The following PHACTR1 variants were observed in gnomAD, a reference collection of about 807,000 sequenced individuals.
PHACTR1 encodes the protein RPEL repeat containing 1.
In PHACTR1, 16 loss-of-function variants were observed where a neutral mutation model predicts 69.2. That is an observed-to-expected ratio of 0.23 (90% CI 0.16 to 0.35). PHACTR1 has a LOEUF of 0.35. Ranked by LOEUF, PHACTR1 falls within the 10% of genes least tolerant of loss-of-function variation. PHACTR1 has a pLI of 1.00. For missense variants in PHACTR1, 510 were observed against 734.7 expected (o/e 0.69, Z 3.54); for synonymous variants, 312 against 284.5 (o/e 1.10, Z -0.97).
intron 5 of PHACTR1, among the ~76,000 whole-genome samples, chr6:13,081,099 A>G (rs999662618): frequency 2.0e-5 from 3 of 152,194 alleles, no homozygotes; most frequent in Non-Finnish European, 2.9e-5. Context: ...TAAAAACCCT[A>G]AAAGTGTCAG....
At chr6:12,830,089 GAGGGAAA>G (rs1561923549) in intron 4 of PHACTR1, among the ~76,000 whole-genome samples, 17 of 121,696 alleles carry the variant, frequency 1.4e-4, no homozygotes, top group African/African-American at 5.4e-4. Flanking sequence ...AGGAAGGAAG[GAGGGAAA>G]GAAAGAAAGA....
At chr6:13,219,902 G>A (rs1768332324) in intron 8 of PHACTR1, among the ~76,000 whole-genome samples, 1 of 152,158 alleles carries the variant, frequency 6.6e-6, no homozygotes, top group African/African-American at 2.4e-5. Flanking sequence ...AAGCAACATG[G>A]TTCATGGAAA....
In PHACTR1 at chr6:12,885,367, T is replaced by C. The variant is rs185524792; in HGVS notation, c.250+135577T>C. Among the ~76,000 whole-genome samples the C allele has an allele frequency of 9.8e-5, 15 of 152,338 alleles. No homozygotes were observed. The East Asian group carries it at 2.9e-3, about 29-fold the overall frequency. Reference sequence around the variant, plus strand: ...ACTGATTAATTTATTAACGTGGGTTTTCCTGTAGGCAATTATCATTTGACC... The same window carrying C: ...ACTGATTAATTTATTAACGTGGGTTCTCCTGTAGGCAATTATCATTTGACC... On this transcript the variant is annotated intron_variant, in intron 4 of 14. Transcript: ENST00000332995.
intron 4 of PHACTR1, among the ~76,000 whole-genome samples, chr6:12,951,999 G>T (rs995188415): frequency 6.6e-6 from 1 of 152,120 alleles, no homozygotes; most frequent in Admixed American, 6.5e-5. Flanking sequence ...AACAATTGGT[G>T]CATTGCACTC....
At position 13,089,203 on chromosome 6, in the gene PHACTR1, CA is replaced by C. The variant is rs561682673; in HGVS notation, c.415+35675del. Among the ~76,000 whole-genome samples, 58 of 152,312 alleles carry C rather than the reference CA, an allele frequency of 3.8e-4. No individual in the cohort carries two copies. The South Asian group carries it at 0.012, about 31-fold the overall frequency. ...TCCTGCCCTGGGCCCATCCCTCCAC[CA>C]CAAGAAGCCCCTGGGGCACAGGTGG... On this transcript the variant is annotated intron_variant, in intron 5 of 14. Transcript: ENST00000332995.
At chr6:12,738,751 T>C (rs1764647803) in intron 3 of PHACTR1, among the ~76,000 whole-genome samples, 1 of 152,046 alleles carries the variant, frequency 6.6e-6, no homozygotes, top group Non-Finnish European at 1.5e-5. Flanking sequence ...TAGTCCCGGC[T>C]ACTCAAGTGG....
At chr6:12,772,349 A>C (rs1446303769) in intron 4 of PHACTR1, among the ~76,000 whole-genome samples, 4 of 152,180 alleles carry the variant, frequency 2.6e-5, no homozygotes, top group Non-Finnish European at 5.9e-5. Flanking sequence ...CCAATTCCAA[A>C]TGTAATTTCT....
At chr6:12,837,187 C>T (rs1778253290) in intron 4 of PHACTR1, among the ~76,000 whole-genome samples, 1 of 152,108 alleles carries the variant, frequency 6.6e-6, no homozygotes, top group Non-Finnish European at 1.5e-5. Context: ...TTTCCAGAAC[C>T]AATGCAGTAA....
At chr6:12,845,930 G>A (rs1332035398) in intron 4 of PHACTR1, among the ~76,000 whole-genome samples, 1 of 152,186 alleles carries the variant, frequency 6.6e-6, no homozygotes, top group Non-Finnish European at 1.5e-5. Context: ...TCATGCACCT[G>A]CTGAAAGTAT....
chr6:13,097,286 TTTCTTAAAAAAACATTA>T, intron 5 of PHACTR1, among the ~76,000 whole-genome samples: 1 of 152,242 alleles, frequency 6.6e-6, no homozygotes, highest in East Asian at 1.9e-4. Flanking sequence ...GGTGGATATA[TTTCTTAAAAAAACATTA>T]TTCTTGTTGA....
At chr6:13,087,153 T>A (rs1812454536) in intron 5 of PHACTR1, among the ~76,000 whole-genome samples, 2 of 147,648 alleles carry the variant, frequency 1.4e-5, no homozygotes, top group South Asian at 2.1e-4. Flanking sequence ...ACATATATAT[T>A]TTTATATATA....
chr6:13,229,633 A>G (rs944172565), intron 9 of PHACTR1, among the ~76,000 whole-genome samples: 3 of 151,886 alleles, frequency 2.0e-5, no homozygotes, highest in Non-Finnish European at 4.4e-5. Context: ...ATCCCCGCCC[A>G]CCTGCTGCCT....
intron 4 of PHACTR1, among the ~76,000 whole-genome samples, chr6:12,895,642 A>G (rs1784592282): frequency 6.6e-6 from 1 of 152,220 alleles, no homozygotes; most frequent in African/African-American, 2.4e-5. Context: ...TAAACAAAAT[A>G]CAAGCTCTGC....
chr6:12,754,097 G>T (rs569369055), intron 4 of PHACTR1, among the ~76,000 whole-genome samples: 28 of 149,408 alleles, frequency 1.9e-4, no homozygotes, highest in Admixed American at 1.5e-3. Flanking sequence ...CGAGTAGCTG[G>T]GACTACAGGC....
At chr6:13,019,155 C>T (rs1800623592) in intron 4 of PHACTR1, among the ~76,000 whole-genome samples, 1 of 151,574 alleles carries the variant, frequency 6.6e-6, no homozygotes, top group Non-Finnish European at 1.5e-5. Context: ...TCAAGCAGTC[C>T]ACCCACCTCA....
At chr6:13,117,669 G>A (rs1456570227) in intron 5 of PHACTR1, among the ~76,000 whole-genome samples, 3 of 152,150 alleles carry the variant, frequency 2.0e-5, no homozygotes, top group Non-Finnish European at 2.9e-5. Flanking sequence ...CACTGAGACA[G>A]GCTTTTAAAA....
At chr6:13,141,724 C>CTTTT (rs577073698) in intron 5 of PHACTR1, among the ~76,000 whole-genome samples, 247 of 89,414 alleles carry the variant, frequency 2.8e-3, no homozygotes, top group South Asian at 4.0e-3. Flanking sequence ...TTTCTTCTTT[C>CTTTT]TTTTTTTTTT....
chr6:12,779,576 C>T (rs370659731), intron 4 of PHACTR1, among the ~76,000 whole-genome samples: 29 of 152,220 alleles, frequency 1.9e-4, no homozygotes, highest in African/African-American at 7.0e-4. Context: ...CCATTAGTTC[C>T]ATTTCCACTT....
At chr6:12,761,853 T>C (rs1768053143) in intron 4 of PHACTR1, among the ~76,000 whole-genome samples, 1 of 152,228 alleles carries the variant, frequency 6.6e-6, no homozygotes, top group African/African-American at 2.4e-5. Context: ...AAAGATCCCC[T>C]GTGGATCTGC....
Sources: gnomAD v4.1 joint callset for allele counts (sites outside exome capture counted in the v4.1 genomes callset) on GRCh38, gnomAD v4.1.1 for gene constraint, MANE v1.5 for transcripts, NCBI Gene and HGNC (gene_info 2026-07-23, HGNC 2026-07-21) for gene names.